The following ANKRD28 variants were observed in gnomAD, a reference collection of about 807,000 sequenced individuals.
ANKRD28 encodes the protein serine/threonine-protein phosphatase 6 regulatory ankyrin repeat subunit A.
A neutral mutation model predicts 126.5 loss-of-function variants in ANKRD28; 44 were observed. The ratio of observed to expected loss-of-function variants is 0.35; its 90% confidence interval spans 0.27 to 0.45. The LOEUF is 0.45. Among genes scored for constraint, ANKRD28 ranks in the 20% least tolerant of loss-of-function variants. ANKRD28 has a pLI of 1.00. For missense variants in ANKRD28, 1,110 were observed against 1,316.6 expected, an observed-to-expected ratio of 0.84 and a Z score of 2.43; for synonymous variants, 442 against 468.5, an observed-to-expected ratio of 0.94 and a Z score of 0.73.
intron 2 of ANKRD28, among the ~76,000 whole-genome samples, chr3:15,783,026 G>A (rs967400580): frequency 4.0e-5 from 6 of 151,442 alleles, no homozygotes; most frequent in African/African-American, 1.5e-4. Flanking sequence ...CATGACAATG[G>A]GACAGTTTTT....
intron 7 of ANKRD28, among the ~76,000 whole-genome samples, chr3:15,724,088 A>T (rs1485293585): frequency 1.3e-5 from 2 of 152,212 alleles, no homozygotes; most frequent in African/African-American, 4.8e-5. Context: ...AGTGTGTCTG[A>T]TCTGCTGATT....
chr3:15,712,121 C>T lies in ANKRD28; in HGVS notation c.1273+19G>A, dbSNP rs200372211. On this transcript the variant is annotated intron_variant, in intron 11 of 27. Coordinates refer to ENST00000683139, the MANE Select transcript of ANKRD28 (RefSeq NM_001349278.2). The stretch of plus-strand genomic sequence containing the variant: ...GGGGTTTGAGGAGACATACAAAAGG[C>T]TGCAAAGGTTACACTTACCTGAAGA... 3,780 of 1,555,532 alleles carry T rather than the reference C, an allele frequency of 2.4e-3. 8 individuals are homozygous for T. Among genetic ancestry groups the T allele is most frequent in the Non-Finnish European group, 3.0e-3 (3,429 of 1,147,450 alleles).
At chr3:15,786,235 C>T (rs556912031) in intron 2 of ANKRD28, among the ~76,000 whole-genome samples, 30 of 152,068 alleles carry the variant, frequency 2.0e-4, no homozygotes, top group African/African-American at 7.0e-4. Flanking sequence ...ATGTACCACT[C>T]TAATGGGAAA....
chr3:15,674,046 C>T (rs931964921), intron 27 of ANKRD28, among the ~76,000 whole-genome samples: 33 of 151,406 alleles, frequency 2.2e-4, no homozygotes, highest in African/African-American at 7.8e-4. Flanking sequence ...GTGATGCATA[C>T]TTATAGTGCT....
intron 6 of ANKRD28, chr3:15,732,183 A>G (rs2074681910): frequency 1.3e-5 from 2 of 152,270 alleles, no homozygotes; most frequent in African/African-American, 4.8e-5. Context: ...GCCCGCTTAG[A>G]AAGGAAAGAG....
intron 1 of ANKRD28, among the ~76,000 whole-genome samples, chr3:15,835,624 T>G (rs1034653615): frequency 6.6e-6 from 1 of 152,206 alleles, no homozygotes; most frequent in Non-Finnish European, 1.5e-5. Flanking sequence ...TCAAGTCTCA[T>G]AGCTTAGTAA....
chr3:15,694,870 T>C, intron 16 of ANKRD28, 57 bp from the exon 17 acceptor site: 1 of 1,492,010 alleles, frequency 6.7e-7, no homozygotes, highest in Non-Finnish European at 9.3e-7. Flanking sequence ...AATTATTCTC[T>C]CCCACCCACC....
At chr3:15,686,732 T>C (rs995423684) in intron 18 of ANKRD28, among the ~76,000 whole-genome samples, 3 of 152,208 alleles carry the variant, frequency 2.0e-5, no homozygotes, top group Non-Finnish European at 4.4e-5. Flanking sequence ...GTCTGACTAC[T>C]GAGATGCCGA....
rs577619131 is a variant in ANKRD28, at chr3:15,804,365, T to TA, written c.28-9060dup. On this transcript the variant is annotated intron_variant, in intron 1 of 27. Transcript: ENST00000399451. ...AGATACCTTCTAACTGTCCATTCTCTAAAAAAATGGATATTTTAATAAAAC... is the reference window on the plus strand; with the variant it reads ...AGATACCTTCTAACTGTCCATTCTCTAAAAAAAATGGATATTTTAATAAAAC... Among the ~76,000 whole-genome samples, 1,302 of 145,458 alleles carry TA rather than the reference T, an allele frequency of 9.0e-3. 115 individuals are homozygous for TA. The highest frequency in any genetic ancestry group is 0.013 in the Non-Finnish European group (890 of 67,110).
At chr3:15,765,258 G>C (rs2058685617) in intron 3 of ANKRD28, among the ~76,000 whole-genome samples, 1 of 152,022 alleles carries the variant, frequency 6.6e-6, no homozygotes, top group African/African-American at 2.4e-5. Flanking sequence ...TTCTATCATA[G>C]ACAGTTCTAG....
chr3:15,812,159 C>A lies in ANKRD28; in HGVS notation c.28-16853G>T, dbSNP rs950787887. ...CAGAGTGAGACTCTGGCAAACAAAA[C>A]AAAACAAAACAAAACGAAACCCAAA... is the stretch of plus-strand genomic sequence containing the variant. On this transcript the variant is annotated intron_variant, in intron 1 of 27. Transcript: ENST00000399451. This position sits in a 1 kb window ranked among gnomAD's most constrained non-coding sequence, Gnocchi z 4.1. Among the ~76,000 whole-genome samples, 8 of 134,036 alleles carry A rather than the reference C, an allele frequency of 6.0e-5. No individual in the cohort carries two copies. The highest frequency in any genetic ancestry group is 8.3e-5 in the Non-Finnish European group (5 of 60,486). 87.9% of individuals were successfully genotyped at this position (134,036 alleles called of 152,430 possible). A position where few individuals can be genotyped will look rare whatever the true frequency, so the allele number is the denominator to read the frequency against.
Position 15,814,177 on chromosome 3 carries a change from A to C in ANKRD28, c.28-18871T>G. The C allele has an allele frequency of 1.1e-6, 1 of 949,146 alleles. No homozygotes were observed. The highest frequency in any genetic ancestry group is 1.3e-6 in the Non-Finnish European group (1 of 741,636). The allele number at this position is 949,146 out of a possible 1,614,324, so 58.8% of individuals were successfully genotyped here. On this transcript the variant is annotated intron_variant, in intron 1 of 27. Transcript: ENST00000399451. The surrounding 1 kb of genome is among the most constrained non-coding windows in gnomAD (Gnocchi z 4.7). The stretch of plus-strand genomic sequence containing the variant: ...AAGTTACAAGGAGGCTTAAACAGCA[A>C]CAAACTAACAAATTACAAGAGCTGC...
chr3:15,675,309 A>G (rs1024086685), intron 27 of ANKRD28, among the ~76,000 whole-genome samples: 1 of 152,172 alleles, frequency 6.6e-6, no homozygotes, highest in African/African-American at 2.4e-5. Flanking sequence ...AGAATGGAAG[A>G]ATGAGAGGAA....
intron 2 of ANKRD28, among the ~76,000 whole-genome samples, chr3:15,793,126 T>C (rs1030210683): frequency 6.6e-6 from 1 of 152,158 alleles, no homozygotes; most frequent in Non-Finnish European, 1.5e-5. Flanking sequence ...AAATTTACTT[T>C]GGAAAAACAC....
intron 4 of ANKRD28, among the ~76,000 whole-genome samples, chr3:15,750,336 C>T (rs1239343034): frequency 6.6e-6 from 1 of 152,192 alleles, no homozygotes; most frequent in Non-Finnish European, 1.5e-5. Flanking sequence ...GAGCTAACCA[C>T]AAAATTAATA....
intron 17 of ANKRD28, 24 bp from the exon 18 acceptor site, chr3:15,690,244 T>C: frequency 6.6e-7 from 1 of 1,526,342 alleles, no homozygotes; most frequent in Non-Finnish European, 8.8e-7. Context: ...AAAATGTAAA[T>C]TTAAAACATA....
intron 6 of ANKRD28, 103 bp from the exon 7 acceptor site, chr3:15,724,627 G>T: frequency 9.6e-7 from 1 of 1,044,854 alleles, no homozygotes; most frequent in Non-Finnish European, 1.4e-6. Context: ...CAAAATAGAT[G>T]ATGCATGACA....
At chr3:15,699,811 G>T (rs1191659709) in intron 14 of ANKRD28, among the ~76,000 whole-genome samples, 1 of 152,286 alleles carries the variant, frequency 6.6e-6, no homozygotes, top group East Asian at 1.9e-4. Context: ...TTCAACCATT[G>T]TGGAAGACAG....
chr3:15,784,876 C>CA (rs2059703319), intron 2 of ANKRD28, among the ~76,000 whole-genome samples: 1 of 152,032 alleles, frequency 6.6e-6, no homozygotes, highest in Admixed American at 6.6e-5. Context: ...AACTAGAAAA[C>CA]AATTCCACTG....
Sources: gnomAD v4.1 joint callset for allele counts (sites outside exome capture counted in the v4.1 genomes callset) on GRCh38, gnomAD v4.1.1 for gene constraint, Gnocchi (gnomAD v3.1) non-coding constraint, MANE v1.5 for transcripts, NCBI Gene and HGNC (gene_info 2026-07-23, HGNC 2026-07-21) for gene names.